The following TYMP variants were observed in gnomAD, a reference collection of about 807,000 sequenced individuals.
TYMP encodes thymidine phosphorylase.
In TYMP, 46 loss-of-function variants were observed where a neutral mutation model predicts 42.3. The observed-to-expected ratio is 1.09, with a 90% CI of 0.86 to 1.39. TYMP has a LOEUF of 1.39. Ranked by LOEUF, TYMP falls within the 40% of genes most tolerant of loss-of-function variation. The probability of loss-of-function intolerance (pLI) is 0.00; values close to 1 mark genes in which losing one functional copy is unlikely to be tolerated. For missense variants in TYMP, 837 were observed against 677.6 expected (o/e 1.24, Z -2.61); for synonymous variants, 363 against 308.0 (o/e 1.18, Z -1.87).
chr22:50,529,951 G>A lies in TYMP; in HGVS notation c.-58C>T. On this transcript the variant is annotated 5_prime_UTR_variant, in exon 1 of 10. Transcript: ENST00000252029. ...CCGCTTGCTCCGGATCCCAGCCCAG[G>A]TACCCGGCCTCGCCCGCGGGTCGGG... 2 of 583,434 alleles carry A rather than the reference G, an allele frequency of 3.4e-6. No homozygotes were observed. The allele number at this position is 583,434 out of a possible 1,614,324, so 36.1% of individuals were successfully genotyped here.
chr22:50,527,832 T>C, intron 4 of TYMP, 115 bp from the exon 5 acceptor site: 14 of 1,407,372 alleles, frequency 9.9e-6, no homozygotes, highest in East Asian at 2.3e-5. Context: ...TGGAGTGCAG[T>C]TGGCACAATT....
rs970512932 is a variant in TYMP at position 50,526,875 on chromosome 22, G to T, written c.766-137C>A. On this transcript the variant is annotated intron_variant, in intron 6 of 9. Transcript: ENST00000252029. ...GTCAGGGAAGGATTGGGGTGGGGAA[G>T]AGACACGAGTGAAGTGCGACACCTC... 160 of 936,166 alleles carry T rather than the reference G, an allele frequency of 1.7e-4. 1 individual carries two copies. In the Middle Eastern group the frequency reaches 4.0e-3, roughly 24 times the overall value. 58.0% of individuals were successfully genotyped at this position (936,166 alleles called of 1,614,324 possible). A position where few individuals can be genotyped will look rare whatever the true frequency, so the allele number is the denominator to read the frequency against.
At position 50,526,210 on chromosome 22, in the gene TYMP, C is replaced by T. The variant is rs1254362268; in HGVS notation, c.1159+36G>A. On this transcript the variant is annotated intron_variant, in intron 8 of 9. Coordinates refer to ENST00000252029, the MANE Select transcript of TYMP (RefSeq NM_001953.5). Reference sequence around the variant, plus strand: ...GGGCCTCGGGAAGGGAAGGGGATGGCGGAGGCGGAAGGACGGGGACTCCCC... The same window carrying T: ...GGGCCTCGGGAAGGGAAGGGGATGGTGGAGGCGGAAGGACGGGGACTCCCC... The T allele has an allele frequency of 6.7e-6, 10 of 1,494,732 alleles. No homozygotes were observed. In the African/African-American group the frequency reaches 7.2e-5, roughly 11 times the overall value. 92.6% of individuals were successfully genotyped at this position (1,494,732 alleles called of 1,614,324 possible).
At chr22:50,527,955 T>A (rs1359345058) in intron 4 of TYMP, 1 of 548,786 alleles carries the variant, frequency 1.8e-6, no homozygotes, top group Non-Finnish European at 3.2e-6. Flanking sequence ...TTTTCTTCTT[T>A]TTTTTGTAGA....
rs1190033207 is a variant in TYMP at position 50,529,501 on chromosome 22, T to A, written c.209A>T (p.Gln70Leu). Residue 70 changes from glutamine to leucine, a missense_variant, in exon 2 of 10, where the codon CAG becomes CTG. Gln to Leu is a moderately radical substitution (Grantham distance 113). Coordinates refer to ENST00000252029, the MANE Select transcript of TYMP (RefSeq NM_001953.5). ...AVVNGSAQGAQIGAMLMAIRL... is the reference protein window; with the variant it reads ...AVVNGSAQGALIGAMLMAIRL... ...GCCCAACCCTCCCCACGCACCGATC[T>A]GTGCGCCCTGCGCGCTCCCATTCAC... 2 of 1,612,752 alleles carry A rather than the reference T, an allele frequency of 1.2e-6. No individual in the cohort carries two copies. The highest frequency in any genetic ancestry group is 8.5e-7 in the Non-Finnish European group (1 of 1,179,882).
Position 50,529,479 on chromosome 22 carries a change from C to T in TYMP, c.214+17G>A, listed in dbSNP as rs1603442073. The T allele has an allele frequency of 1.9e-6, 3 of 1,611,718 alleles. No homozygotes were observed. The highest frequency in any genetic ancestry group is 2.5e-6 in the Non-Finnish European group (3 of 1,179,648). On this transcript the variant is annotated intron_variant, in intron 2 of 9. Transcript: ENST00000252029. Reference sequence around the variant, plus strand: ...CCTCCCAGTCGGGGTCAGGAACGCCCAACCCTCCCCACGCACCGATCTGTG... The same window carrying T: ...CCTCCCAGTCGGGGTCAGGAACGCCTAACCCTCCCCACGCACCGATCTGTG...
In TYMP at chr22:50,525,753, T is replaced by G; in HGVS notation, c.*17A>C. ...GCTCCCGCCCAAGCACTGACAAGGT[T>G]TCGCGGCAAAGGAGCTTTATTGCTG... is the stretch of plus-strand genomic sequence containing the variant. On this transcript the variant is annotated 3_prime_UTR_variant, in exon 10 of 10. Coordinates refer to ENST00000252029, the MANE Select transcript of TYMP (RefSeq NM_001953.5). 6.2e-7 allele frequency: 1 copy of G among 1,609,290 alleles called. No individual in the cohort carries two copies. Among genetic ancestry groups the G allele is most frequent in the Non-Finnish European group, 8.5e-7 (1 of 1,178,224 alleles).
intron 4 of TYMP, 129 bp from the exon 5 acceptor site, chr22:50,527,846 G>T: frequency 8.1e-7 from 1 of 1,241,718 alleles, no homozygotes; most frequent in Non-Finnish European, 1.1e-6. Flanking sequence ...CACAATTTCG[G>T]CTCATTGTGA....
chr22:50,528,022 A>C, intron 4 of TYMP: 2 of 406,056 alleles, frequency 4.9e-6, no homozygotes, highest in Non-Finnish European at 8.9e-6. Context: ...TCTGCCTCCC[A>C]GAGTGCTGGG....
Position 50,526,001 on chromosome 22 carries a change from C to T in TYMP, c.1300G>A (p.Gly434Arg). The change falls in exon 9 of 10, where the codon GGG becomes AGG. Residue 434 changes from glycine (G) to arginine (R), a missense_variant and splice_region_variant. Transcript: ENST00000252029. ...CCAGCAGGGCGGGGGCGGCGCTCACCACGGCGCAGCCTCTGACCCACGTCG... is the reference window on the plus strand; with the variant it reads ...CCAGCAGGGCGGGGGCGGCGCTCACTACGGCGCAGCCTCTGACCCACGTCG... ...LVDVGQRLRR[G>R]TPWLRVHRDG... is the part of the protein sequence containing the mutation. 1 of 1,433,680 alleles carries T rather than the reference C, an allele frequency of 7.0e-7. No individual in the cohort carries two copies. Among genetic ancestry groups the T allele is most frequent in the South Asian group, 1.4e-5 (1 of 71,272 alleles). The allele number at this position is 1,433,680 out of a possible 1,614,324, so 88.8% of individuals were successfully genotyped here.
rs756488096 is a variant in TYMP, at chr22:50,529,620, C to A, written c.90G>T (p.Ser30=). The change falls in exon 2 of 10, where the codon TCG becomes TCT. Residue 30 remains serine, a synonymous_variant. Transcript: ENST00000252029. ...GCTCCGGGAGCTGCTTGGGCTCTGG[C>A]GAAGGGTCGGGAAGTCCCTGGCTCC... ...GEGSQGLPDP[S]PEPKQLPELI... 1 of 1,612,676 alleles carries A rather than the reference C, an allele frequency of 6.2e-7. No homozygotes were observed. The highest frequency in any genetic ancestry group is 1.3e-5 in the African/African-American group (1 of 74,946).
intron 4 of TYMP, chr22:50,528,251 C>T: frequency 5.6e-6 from 3 of 536,702 alleles, no homozygotes; most frequent in Non-Finnish European, 1.0e-5. Flanking sequence ...GGGATCTGCC[C>T]TCTTCGGCCT....
intron 3 of TYMP, 169 bp from the exon 4 acceptor site, chr22:50,528,779 G>T: frequency 1.5e-6 from 1 of 671,696 alleles, no homozygotes; most frequent in Non-Finnish European, 2.7e-6. Flanking sequence ...GTTGAGAAGT[G>T]TCAGTAGGGG....
intron 4 of TYMP, 44 bp downstream of exon 4, chr22:50,528,468 C>G (rs1305604797): frequency 6.6e-7 from 1 of 1,525,712 alleles, no homozygotes; most frequent in Non-Finnish European, 9.1e-7. Context: ...GCCAGGGTCT[C>G]CATCATCAAC....
chr22:50,527,798 A>AAGATCG, intron 4 of TYMP, 81 bp from the exon 5 acceptor site: 1 of 1,541,092 alleles, frequency 6.5e-7, no homozygotes, highest in Non-Finnish European at 8.7e-7. Context: ...TTTTCTGTGA[A>AAGATCG]GAGTCTTCCT....
At chr22:50,525,946 G>T in intron 9 of TYMP, 28 bp from the exon 10 acceptor site, 3 of 1,421,306 alleles carry the variant, frequency 2.1e-6, no homozygotes, top group Non-Finnish European at 2.7e-6. Flanking sequence ...GTTAGAGGCC[G>T]CGCGGCCGGA....
chr22:50,526,432 G>A lies in TYMP; in HGVS notation c.973C>T (p.Gln325Ter). 1.3e-6 allele frequency: 2 copies of A among 1,508,556 alleles called. No homozygotes were observed. The highest frequency in any genetic ancestry group is 8.8e-7 in the Non-Finnish European group (1 of 1,137,824). 93.4% of individuals were successfully genotyped at this position (1,508,556 alleles called of 1,614,324 possible). A position where few individuals can be genotyped will look rare whatever the true frequency, so the allele number is the denominator to read the frequency against. Residue 325 changes from glutamine to a stop codon, truncating the protein, a stop_gained, in exon 8 of 10, where the codon CAG becomes TAG. Coordinates refer to ENST00000252029, the MANE Select transcript of TYMP (RefSeq NM_001953.5). LOFTEE classifies it high-confidence loss of function. ...GCCGCGGCCACCCGGGCAGCGCCCT[G>A]GGCCTGAGTCCCCGCGTGTCCGCTG... ...WLSGHAGTQA[Q>*]GAARVAAALD... is the part of the protein sequence containing the mutation.
chr22:50,527,662 A>G lies in TYMP; in HGVS notation c.572T>C (p.Leu191Pro), dbSNP rs779087780. The G allele has an allele frequency of 3.7e-6, 6 of 1,613,934 alleles. 1 individual carries two copies. In the South Asian group the frequency reaches 5.5e-5, roughly 15 times the overall value. The change falls in exon 5 of 10, where the codon CTG becomes CCG. Residue 191 changes from leucine to proline, a missense_variant. By Grantham distance (98) the Leu-to-Pro change is moderately conservative. Coordinates refer to ENST00000252029, the MANE Select transcript of TYMP (RefSeq NM_001953.5). ...ATATAGGATTCCGTCCGCAGGAACC[A>G]GCTGCTCACTCTGACCCACGATACA... The part of the protein sequence containing the change: ...GCCIVGQSEQ[L>P]VPADGILYAA...
chr22:50,529,487 C>A lies in TYMP; in HGVS notation c.214+9G>T. Reference sequence around the variant, plus strand: ...TCGGGGTCAGGAACGCCCAACCCTCCCCACGCACCGATCTGTGCGCCCTGC... The same window carrying A: ...TCGGGGTCAGGAACGCCCAACCCTCACCACGCACCGATCTGTGCGCCCTGC... On this transcript the variant is annotated intron_variant, in intron 2 of 9. Coordinates refer to ENST00000252029, the MANE Select transcript of TYMP (RefSeq NM_001953.5). 1.9e-6 allele frequency: 3 copies of A among 1,612,258 alleles called. No homozygotes were observed. The highest frequency in any genetic ancestry group is 2.5e-6 in the Non-Finnish European group (3 of 1,179,834).
Sources: allele counts gnomAD v4.1 joint callset, GRCh38; gene constraint gnomAD v4.1.1; transcripts MANE v1.5; gene names NCBI Gene and HGNC (gene_info 2026-07-23, HGNC 2026-07-21).